SOX5: variants seen among roughly 807,000 people sequenced by gnomAD.
SOX5 encodes transcription factor SOX-5.
Under a neutral mutation model 92.0 loss-of-function variants are expected in SOX5, and 9 were observed. The ratio of observed to expected loss-of-function variants is 0.10; its 90% CI spans 0.06 to 0.17. The LOEUF (loss-of-function observed/expected upper bound fraction) is 0.17, where lower values mean the gene tolerates loss of function less well. Among genes scored for constraint, SOX5 ranks in the 10% least tolerant of loss-of-function variants. SOX5 has a pLI of 1.00. For synonymous variants in SOX5, 344 were observed against 336.3 expected (o/e 1.02, Z -0.25); for missense variants, 642 against 944.5 (o/e 0.68, Z 4.20).
chr12:24,468,284 A>C (rs1944434275), intron 1 of SOX5, among the ~76,000 whole-genome samples: 1 of 152,236 alleles, frequency 6.6e-6, no homozygotes, highest in Non-Finnish European at 1.5e-5. Context: ...AATTTGGATA[A>C]GTTATTTAAT....
At chr12:24,227,060 C>T (rs1962206707) in intron 3 of SOX5, 1 of 152,198 alleles carries the variant, frequency 6.6e-6, no homozygotes, top group Admixed American at 6.6e-5. Flanking sequence ...TCCTGCAGTT[C>T]CTACGTAATG....
chr12:24,366,448 T>C (rs1956180575), intron 2 of SOX5, among the ~76,000 whole-genome samples: 1 of 152,142 alleles, frequency 6.6e-6, no homozygotes, highest in Admixed American at 6.6e-5. Context: ...CCTGAGAGGA[T>C]GTTACAGTTG....
At chr12:24,203,713 T>C (rs1388339880) in intron 4 of SOX5, among the ~76,000 whole-genome samples, 1 of 152,220 alleles carries the variant, frequency 6.6e-6, no homozygotes, top group Admixed American at 6.5e-5. Flanking sequence ...CACCCATATC[T>C]TGTGAAATAC....
At chr12:23,830,482 G>T (rs1006784191) in intron 3 of SOX5, among the ~76,000 whole-genome samples, 3 of 152,144 alleles carry the variant, frequency 2.0e-5, no homozygotes, top group Non-Finnish European at 4.4e-5. Flanking sequence ...AAGTACCCTT[G>T]TTTGTCCTTC....
chr12:23,893,854 G>A (rs888989216), intron 2 of SOX5, among the ~76,000 whole-genome samples: 7 of 152,266 alleles, frequency 4.6e-5, no homozygotes, highest in African/African-American at 1.7e-4. Flanking sequence ...TTTCATCATT[G>A]TACATAACTT....
At chr12:23,972,213 A>T (rs1948421421) in intron 4 of SOX5, among the ~76,000 whole-genome samples, 1 of 152,202 alleles carries the variant, frequency 6.6e-6, no homozygotes, top group Non-Finnish European at 1.5e-5. Context: ...ACTTCAAGGT[A>T]TGTCAGTTGA....
intron 1 of SOX5, among the ~76,000 whole-genome samples, chr12:24,523,590 T>C (rs1449107480): frequency 1.3e-5 from 2 of 152,164 alleles, no homozygotes; most frequent in Non-Finnish European, 2.9e-5. Flanking sequence ...AATTTGCACA[T>C]ATACAGTGAT....
chr12:23,552,484 G>GA (rs958375397), intron 11 of SOX5, among the ~76,000 whole-genome samples: 14 of 149,072 alleles, frequency 9.4e-5, no homozygotes, highest in South Asian at 2.1e-4. Context: ...ACAGGATCCT[G>GA]AAAAAAAAAG....
rs917965839 is a variant in SOX5 at position 24,401,716 on chromosome 12, A to T, written c.-250-33077T>A. On this transcript the variant is annotated intron_variant, in intron 1 of 4. Transcript: ENST00000446891. ...GAGCCAGACCCTATCTTTAAAAAAA[A>T]AAAAAAAAAAAAAAAAAAAAATTGC... Among the ~76,000 whole-genome samples the T allele has an allele frequency of 3.0e-3, 314 of 103,262 alleles. 5 individuals carry two copies. The East Asian group carries it at 0.032, about 10-fold the overall frequency. 67.7% of individuals were successfully genotyped at this position (103,262 alleles called of 152,430 possible).
At chr12:24,158,706 A>G (rs1208739978) in intron 4 of SOX5, among the ~76,000 whole-genome samples, 1 of 151,928 alleles carries the variant, frequency 6.6e-6, no homozygotes, top group African/African-American at 2.4e-5. Flanking sequence ...TTTGAGATAC[A>G]CCTCAAAAAG....
At chr12:24,392,768 G>A (rs1959127593) in intron 1 of SOX5, among the ~76,000 whole-genome samples, 1 of 152,084 alleles carries the variant, frequency 6.6e-6, no homozygotes, top group Non-Finnish European at 1.5e-5. Context: ...TGGACACATA[G>A]TAAACACTCA....
At chr12:23,879,806 CT>C (rs1250884615) in intron 2 of SOX5, among the ~76,000 whole-genome samples, 1 of 152,166 alleles carries the variant, frequency 6.6e-6, no homozygotes, top group Non-Finnish European at 1.5e-5. Flanking sequence ...CACTGGAGAA[CT>C]GAACCCCACT....
chr12:24,091,322 G>A (rs754137090), intron 4 of SOX5, among the ~76,000 whole-genome samples: 1 of 152,010 alleles, frequency 6.6e-6, no homozygotes, highest in Non-Finnish European at 1.5e-5. Context: ...TGTATCATTG[G>A]TGTTTTTCTA....
chr12:23,956,455 C>G (rs780032235), intron 4 of SOX5, among the ~76,000 whole-genome samples: 2 of 152,114 alleles, frequency 1.3e-5, no homozygotes, highest in African/African-American at 2.4e-5. Context: ...TTATTGTGAA[C>G]TGTGCATGTG....
At chr12:23,710,771 G>A (rs1370737105) in intron 6 of SOX5, among the ~76,000 whole-genome samples, 2 of 152,142 alleles carry the variant, frequency 1.3e-5, no homozygotes, top group Non-Finnish European at 2.9e-5. Context: ...TGGGATGGCT[G>A]GGTCAAATGG....
At position 23,650,679 on chromosome 12, in the gene SOX5, A is replaced by G. The variant is rs961000983; in HGVS notation, c.932-9782T>C. On this transcript the variant is annotated intron_variant, in intron 7 of 14. Transcript: ENST00000451604. ...AACAACTATATTTATGCCTACATCCAGGGATAGTTTCATTACCCCCAGTGT... is the reference window on the plus strand; with the variant it reads ...AACAACTATATTTATGCCTACATCCGGGGATAGTTTCATTACCCCCAGTGT... 3.9e-5 allele frequency among the ~76,000 whole-genome samples: 6 copies of G among 152,142 alleles called. No homozygotes were observed. In the East Asian group the frequency reaches 1.2e-3, roughly 29 times the overall value.
intron 1 of SOX5, among the ~76,000 whole-genome samples, chr12:24,400,265 T>C (rs1312599728): frequency 6.6e-6 from 1 of 152,146 alleles, no homozygotes; most frequent in Non-Finnish European, 1.5e-5. Context: ...TGCTAATTAG[T>C]TTTTAAATTT....
intron 3 of SOX5, among the ~76,000 whole-genome samples, chr12:24,232,719 C>T (rs1963652497): frequency 6.6e-6 from 1 of 152,192 alleles, no homozygotes. Flanking sequence ...ATGGCCACTG[C>T]AATAGCTTTG....
intron 8 of SOX5, among the ~76,000 whole-genome samples, chr12:23,610,371 T>C (rs1461581068): frequency 6.6e-6 from 1 of 152,168 alleles, no homozygotes; most frequent in Non-Finnish European, 1.5e-5. Flanking sequence ...GTATTTGGAT[T>C]CAGTGCATTA....
Sources: gnomAD v4.1 joint callset for allele counts (sites outside exome capture counted in the v4.1 genomes callset) on GRCh38, gnomAD v4.1.1 for gene constraint, MANE v1.5 for transcripts, NCBI Gene and HGNC (gene_info 2026-07-23, HGNC 2026-07-21) for gene names.